Variants in GPC6 observed in about 807,000 individuals in gnomAD.
GPC6 encodes the protein glypican 6.
Under a neutral mutation model 55.2 loss-of-function variants are expected in GPC6, and 14 were observed. The observed-to-expected ratio is 0.25, with a 90% CI of 0.17 to 0.40. GPC6 has a LOEUF of 0.40. Among genes scored for constraint, GPC6 ranks in the 10% least tolerant of loss-of-function variants. The probability of loss-of-function intolerance (pLI) is 1.00; values close to 1 mark genes in which losing one functional copy is unlikely to be tolerated. For synonymous variants in GPC6, 278 were observed against 259.6 expected, an observed-to-expected ratio of 1.07 and a Z score of -0.68; for missense variants, 641 against 708.5, an observed-to-expected ratio of 0.90 and a Z score of 1.08.
intron 2 of GPC6, among the ~76,000 whole-genome samples, chr13:93,702,783 G>A (rs1249600852): frequency 1.3e-5 from 2 of 151,960 alleles, no homozygotes; most frequent in African/African-American, 4.8e-5. Context: ...AGCCTTCAGA[G>A]TTTTCTTGTG....
chr13:93,928,168 A>C lies in GPC6; in HGVS notation c.711+97623A>C, dbSNP rs143070186. 1.4e-3 allele frequency among the ~76,000 whole-genome samples: 215 copies of C among 152,312 alleles called. 2 individuals carry two copies. Among genetic ancestry groups the C allele is most frequent in the African/African-American group, 5.1e-3 (213 of 41,578 alleles). On this transcript the variant is annotated intron_variant, in intron 3 of 8. Coordinates refer to ENST00000377047, the MANE Select transcript of GPC6 (RefSeq NM_005708.5). ...CCACTACAGAGTAAACTTAAGATAA[A>C]CTGGATAATGGGAGTATAGGTGGAG...
intron 3 of GPC6, among the ~76,000 whole-genome samples, chr13:93,912,728 T>TA (rs1566600025): frequency 6.6e-6 from 1 of 152,028 alleles, no homozygotes; most frequent in African/African-American, 2.4e-5. Flanking sequence ...GGGCGACAGA[T>TA]AGAGACTCCG....
rs1480525928 is a variant in GPC6, at chr13:93,426,807, C to T, written c.161-118456C>T. On this transcript the variant is annotated intron_variant, in intron 1 of 8. Coordinates refer to ENST00000377047, the MANE Select transcript of GPC6 (RefSeq NM_005708.5). ...TTCTAGTTCTAGATCCCTGAGGAAT[C>T]GCCACACTGACTTCCACAATGGTTG... 8.3e-3 allele frequency among the ~76,000 whole-genome samples: 1,249 copies of T among 150,630 alleles called. 16 individuals carry two copies. Among genetic ancestry groups the T allele is most frequent in the African/African-American group, 0.029 (1,174 of 40,562 alleles).
chr13:93,405,488 A>C (rs1002346508), intron 1 of GPC6, among the ~76,000 whole-genome samples: 3 of 152,174 alleles, frequency 2.0e-5, no homozygotes, highest in Non-Finnish European at 4.4e-5. Context: ...AGTGGTAAAA[A>C]GTCATTTCCA....
intron 1 of GPC6, among the ~76,000 whole-genome samples, chr13:93,401,191 T>C (rs1465114321): frequency 1.4e-5 from 2 of 146,722 alleles, no homozygotes; most frequent in Admixed American, 1.4e-4. Context: ...TGTGTGTGTG[T>C]GTGTGTGTTT....
chr13:94,114,748 A>C (rs1886374681), intron 4 of GPC6, among the ~76,000 whole-genome samples: 1 of 152,202 alleles, frequency 6.6e-6, no homozygotes, highest in Admixed American at 6.5e-5. Flanking sequence ...ACCAAGAACC[A>C]AAATAATCAG....
At chr13:93,775,010 G>A (rs1419696784) in intron 2 of GPC6, among the ~76,000 whole-genome samples, 1 of 152,088 alleles carries the variant, frequency 6.6e-6, no homozygotes, top group East Asian at 1.9e-4. Context: ...CATTCCAAGA[G>A]AAAAAGGAGC....
chr13:94,186,272 T>A (rs1313950667), intron 4 of GPC6, among the ~76,000 whole-genome samples: 1 of 152,128 alleles, frequency 6.6e-6, no homozygotes, highest in Non-Finnish European at 1.5e-5. Context: ...TTCGGCATGA[T>A]TTTTCTTGCA....
intron 4 of GPC6, among the ~76,000 whole-genome samples, chr13:94,206,683 A>G (rs899758347): frequency 6.6e-6 from 1 of 152,088 alleles, no homozygotes; most frequent in African/African-American, 2.4e-5. Flanking sequence ...GAGAGAGCCC[A>G]TCTCTACAAA....
chr13:93,296,570 G>T (rs1219973627), intron 1 of GPC6, among the ~76,000 whole-genome samples: 1 of 151,874 alleles, frequency 6.6e-6, no homozygotes, highest in Non-Finnish European at 1.5e-5. Flanking sequence ...TTCCATATCC[G>T]TACCTCTCTC....
chr13:93,726,543 C>A (rs1883650549), intron 2 of GPC6, among the ~76,000 whole-genome samples: 1 of 152,048 alleles, frequency 6.6e-6, no homozygotes, highest in Admixed American at 6.6e-5. Flanking sequence ...AATTTCATAA[C>A]CCTTCTAAGG....
intron 4 of GPC6, among the ~76,000 whole-genome samples, chr13:94,165,569 A>G (rs112931398): frequency 0.12 from 18,239 of 152,052 alleles, 1,206 homozygotes; most frequent in South Asian, 0.14. Flanking sequence ...TGGGTGCACC[A>G]AAATCCCACA....
At chr13:93,352,724 G>A (rs976267366) in intron 1 of GPC6, among the ~76,000 whole-genome samples, 1 of 152,120 alleles carries the variant, frequency 6.6e-6, no homozygotes, top group Non-Finnish European at 1.5e-5. Context: ...ATCTTGGAAG[G>A]CCTGTTAAGT....
intron 1 of GPC6, among the ~76,000 whole-genome samples, chr13:93,400,251 T>G (rs2139230782): frequency 6.6e-6 from 1 of 152,164 alleles, no homozygotes; most frequent in South Asian, 2.1e-4. Flanking sequence ...CTTCCTTTCC[T>G]TTTCTTCTTC....
At chr13:94,095,719 G>A (rs1208289575) in intron 4 of GPC6, among the ~76,000 whole-genome samples, 1 of 152,102 alleles carries the variant, frequency 6.6e-6, no homozygotes, top group East Asian at 1.9e-4. Flanking sequence ...CTTCAGATTT[G>A]CGATAGTATT....
intron 4 of GPC6, among the ~76,000 whole-genome samples, chr13:94,128,608 A>G (rs2138862783): frequency 6.6e-6 from 1 of 152,274 alleles, no homozygotes; most frequent in South Asian, 2.1e-4. Flanking sequence ...GGGCAATTAA[A>G]TGCTCTGGCT....
At chr13:93,940,625 T>C (rs1461382776) in intron 3 of GPC6, among the ~76,000 whole-genome samples, 1 of 152,146 alleles carries the variant, frequency 6.6e-6, no homozygotes, top group Non-Finnish European at 1.5e-5. Context: ...ACAAATGGAA[T>C]GTGTGAACGT....
chr13:94,382,315 T>C, intron 6 of GPC6, 99 bp from the exon 7 acceptor site: 1 of 1,226,444 alleles, frequency 8.2e-7, no homozygotes, highest in Admixed American at 1.7e-5. Context: ...CTGCTGGTCA[T>C]ATCACAGGTT....
At chr13:93,801,979 AATAAG>A (rs1886386484) in intron 2 of GPC6, among the ~76,000 whole-genome samples, 1 of 152,184 alleles carries the variant, frequency 6.6e-6, no homozygotes, top group African/African-American at 2.4e-5. Context: ...TGAACTAATA[AATAAG>A]ATGTTTCTCT....
Sources: allele counts gnomAD v4.1 joint callset (sites outside exome capture counted in the v4.1 genomes callset), GRCh38; gene constraint gnomAD v4.1.1; transcripts MANE v1.5; gene names NCBI Gene and HGNC (gene_info 2026-07-23, HGNC 2026-07-21).